GMEB1: variants seen among roughly 807,000 people sequenced by gnomAD.
The protein encoded by GMEB1 is glucocorticoid modulatory element binding protein 1, also known as glucocorticoid modulatory element-binding protein 1.
In GMEB1, 6 loss-of-function variants were observed where a neutral mutation model predicts 52.4. That is an observed-to-expected ratio of 0.11 (90% CI 0.06 to 0.23). The LOEUF is 0.23. GMEB1 is among the 10% of genes least tolerant of loss of function. GMEB1 has a pLI of 1.00. For missense variants in GMEB1, 486 were observed against 685.6 expected, an observed-to-expected ratio of 0.71 and a Z score of 3.25; for synonymous variants, 255 against 244.9, an observed-to-expected ratio of 1.04 and a Z score of -0.38.
chr1:28,718,473 C>T lies in GMEB1; in HGVS notation c.*3700C>T, dbSNP rs1322223814. 2 of 152,146 alleles carry T rather than the reference C, an allele frequency of 1.3e-5. No homozygotes were observed. The highest frequency in any genetic ancestry group is 2.9e-5 in the Non-Finnish European group (2 of 68,048). The allele number at this position is 152,146 out of a possible 1,614,324, so 9.4% of individuals were successfully genotyped here. A position where few individuals can be genotyped will look rare whatever the true frequency, so the allele number is the denominator to read the frequency against. On this transcript the variant is annotated 3_prime_UTR_variant, in exon 10 of 10. Coordinates refer to ENST00000373816, the MANE Select transcript of GMEB1 (RefSeq NM_001319674.2). ...AATTAGTCAAGTCTTGTGGCTCGCACTTGTAGACACAATTACTCAGGATGC... is the reference window on the plus strand; with the variant it reads ...AATTAGTCAAGTCTTGTGGCTCGCATTTGTAGACACAATTACTCAGGATGC...
At chr1:28,677,922 G>A (rs556277938) in intron 1 of GMEB1, among the ~76,000 whole-genome samples, 24 of 152,128 alleles carry the variant, frequency 1.6e-4, no homozygotes, top group African/African-American at 4.8e-4. Flanking sequence ...GGTGGCTCAC[G>A]CTTGTAATCC....
chr1:28,671,874 T>C (rs1030528620), intron 1 of GMEB1, among the ~76,000 whole-genome samples: 3 of 152,150 alleles, frequency 2.0e-5, no homozygotes, highest in Admixed American at 2.0e-4. Context: ...CCCAGCACTT[T>C]GGGAGGTGGA....
At chr1:28,690,263 G>T in intron 3 of GMEB1, 77 bp downstream of exon 3, 1 of 659,554 alleles carries the variant, frequency 1.5e-6, no homozygotes. Context: ...CCTTGGTTGA[G>T]TTTTCTTGCC....
At position 28,718,596 on chromosome 1, in the gene GMEB1, C is replaced by G. The variant is rs1233212935; in HGVS notation, c.*3823C>G. 3 of 152,128 alleles carry G rather than the reference C, an allele frequency of 2.0e-5. No individual in the cohort carries two copies. Among genetic ancestry groups the G allele is most frequent in the African/African-American group, 7.2e-5 (3 of 41,414 alleles). The allele number at this position is 152,128 out of a possible 1,614,324, so 9.4% of individuals were successfully genotyped here. ...AGCCCAGGTAACAGGGCAACATCCC[C>G]AGCTCAGAAAACCAAAACTACACAT... On this transcript the variant is annotated 3_prime_UTR_variant, in exon 10 of 10. Coordinates refer to ENST00000373816, the MANE Select transcript of GMEB1 (RefSeq NM_001319674.2).
At chr1:28,689,950 G>A (rs1669873713) in intron 2 of GMEB1, 154 bp from the exon 3 acceptor site, 5 of 540,462 alleles carry the variant, frequency 9.3e-6, no homozygotes, top group Non-Finnish European at 3.2e-6. Flanking sequence ...GAGGTTTGGA[G>A]TTTAAATACA....
At chr1:28,695,634 C>G (rs1670163877) in intron 5 of GMEB1, among the ~76,000 whole-genome samples, 1 of 151,180 alleles carries the variant, frequency 6.6e-6, no homozygotes, top group African/African-American at 2.4e-5. Flanking sequence ...TCCAACAAAA[C>G]ATTATTTTAA....
chr1:28,693,049 A>G lies in GMEB1; in HGVS notation c.440+4A>G. On this transcript the variant is annotated splice_donor_region_variant and intron_variant, in intron 5 of 9. Coordinates refer to ENST00000373816, the MANE Select transcript of GMEB1 (RefSeq NM_001319674.2). ...GTCTGGGTGGGATCATGCTCAGGTA[A>G]GCTCTAATGTCAAGCACATACCTTT... is the stretch of plus-strand genomic sequence containing the variant. 1 of 1,529,004 alleles carries G rather than the reference A, an allele frequency of 6.5e-7. No homozygotes were observed. Among genetic ancestry groups the G allele is most frequent in the Non-Finnish European group, 9.0e-7 (1 of 1,111,778 alleles). 94.7% of individuals were successfully genotyped at this position (1,529,004 alleles called of 1,614,324 possible).
chr1:28,677,941 T>C (rs1044212353), intron 1 of GMEB1, among the ~76,000 whole-genome samples: 8 of 151,984 alleles, frequency 5.3e-5, no homozygotes, highest in African/African-American at 1.9e-4. Context: ...CCCAGCACTT[T>C]GGGAGGCCAA....
Position 28,714,060 on chromosome 1 carries a change from T to C in GMEB1, c.992-13T>C, listed in dbSNP as rs886525996. On this transcript the variant is annotated splice_polypyrimidine_tract_variant and intron_variant, in intron 9 of 9. Transcript: ENST00000373816. ...ACTTCCCTCTACACAAAGTCTTTTCTTTTTTTCCATAGACTTGGAACGCCA... is the reference window on the plus strand; with the variant it reads ...ACTTCCCTCTACACAAAGTCTTTTCCTTTTTTCCATAGACTTGGAACGCCA... The C allele has an allele frequency of 1.3e-6, 2 of 1,590,628 alleles. No individual in the cohort carries two copies. The highest frequency in any genetic ancestry group is 1.7e-6 in the Non-Finnish European group (2 of 1,163,880).
At chr1:28,695,974 A>AAAAAT (rs1557511786) in intron 5 of GMEB1, among the ~76,000 whole-genome samples, 9 of 117,702 alleles carry the variant, frequency 7.6e-5, no homozygotes, top group African/African-American at 2.6e-4. Context: ...AAAAAAAAAA[A>AAAAAT]TTTTCAGATG....
intron 1 of GMEB1, among the ~76,000 whole-genome samples, chr1:28,669,732 C>T (rs1012468813): frequency 6.6e-6 from 1 of 151,984 alleles, no homozygotes; most frequent in Non-Finnish European, 1.5e-5. Flanking sequence ...CAAAGTAACC[C>T]GCTCGGTCAG....
intron 1 of GMEB1, among the ~76,000 whole-genome samples, chr1:28,672,953 T>G (rs920587422): frequency 6.6e-6 from 1 of 151,998 alleles, no homozygotes; most frequent in Non-Finnish European, 1.5e-5. Context: ...TGGAGTGCAG[T>G]GGCGCGATCT....
intron 8 of GMEB1, among the ~76,000 whole-genome samples, chr1:28,706,015 G>A (rs903081102): frequency 3.3e-5 from 5 of 151,624 alleles, no homozygotes; most frequent in East Asian, 2.0e-4. Context: ...TTAGCCGGGC[G>A]CGGTGGCGGA....
At chr1:28,712,420 G>A (rs1051374795) in intron 9 of GMEB1, among the ~76,000 whole-genome samples, 1 of 152,124 alleles carries the variant, frequency 6.6e-6, no homozygotes, top group African/African-American at 2.4e-5. Flanking sequence ...GGTTCGGGGG[G>A]AGGGCTGAAA....
intron 1 of GMEB1, among the ~76,000 whole-genome samples, chr1:28,680,458 C>G (rs1045080652): frequency 6.6e-6 from 1 of 152,034 alleles, no homozygotes; most frequent in African/African-American, 2.4e-5. Context: ...CAATCCTGGC[C>G]AGGCGCAGTG....
intron 1 of GMEB1, among the ~76,000 whole-genome samples, chr1:28,671,348 C>T (rs1026231826): frequency 1.7e-4 from 26 of 152,066 alleles, no homozygotes; most frequent in Admixed American, 1.5e-3. Flanking sequence ...CAGCTCACTG[C>T]AAACTCGATC....
In GMEB1 at chr1:28,719,234, C is replaced by G. The variant is rs1391741473; in HGVS notation, c.*4461C>G. On this transcript the variant is annotated 3_prime_UTR_variant, in exon 10 of 10. Coordinates refer to ENST00000373816, the MANE Select transcript of GMEB1 (RefSeq NM_001319674.2). ...CAACTGTCTTGTCTTGGCCATGTCC[C>G]TGTTTGGTCCCTGCCTTGTTCTCTT... 1 of 152,272 alleles carries G rather than the reference C, an allele frequency of 6.6e-6. No individual in the cohort carries two copies. Among genetic ancestry groups the G allele is most frequent in the Non-Finnish European group, 1.5e-5 (1 of 68,060 alleles). 9.4% of individuals were successfully genotyped at this position (152,272 alleles called of 1,614,324 possible).
chr1:28,701,543 C>T (rs753458272), intron 6 of GMEB1, among the ~76,000 whole-genome samples: 19 of 152,116 alleles, frequency 1.2e-4, no homozygotes, highest in South Asian at 2.1e-4. Flanking sequence ...GCTGGGATTA[C>T]AGGCGTGAGC....
At chr1:28,674,556 G>A (rs1183327395) in intron 1 of GMEB1, among the ~76,000 whole-genome samples, 1 of 151,662 alleles carries the variant, frequency 6.6e-6, no homozygotes, top group Non-Finnish European at 1.5e-5. Flanking sequence ...CACCACGCTT[G>A]GCTAATTTTG....
Sources: allele counts gnomAD v4.1 joint callset (sites outside exome capture counted in the v4.1 genomes callset), GRCh38; gene constraint gnomAD v4.1.1; transcripts MANE v1.5; gene names NCBI Gene and HGNC (gene_info 2026-07-23, HGNC 2026-07-21).